MYO10: variants seen among roughly 807,000 people sequenced by gnomAD.
MYO10 encodes myosin X.
In MYO10, 133 loss-of-function variants were observed where a neutral mutation model predicts 257.3. That is an observed-to-expected ratio of 0.52 (90% CI 0.45 to 0.60). MYO10 has a LOEUF of 0.60. MYO10 is among the 20% of genes least tolerant of loss of function. The pLI is 0.00. For missense variants in MYO10, 2,399 were observed against 2,635.7 expected (o/e 0.91, Z 1.97); for synonymous variants, 1,104 against 1,028.6 (o/e 1.07, Z -1.40).
rs200752903 is a variant in MYO10 at position 16,764,277 on chromosome 5, G to A, written c.1299C>T (p.Leu433=). The stretch of plus-strand genomic sequence containing the variant: ...CAAAGTTTTCAAATCCAAAGATGTC[G>A]AGGATGCCAATAGACTTGAAGTCCT... ...GNEDFKSIGI[L]DIFGFENFEV... Residue 433 remains leucine, a synonymous_variant, in exon 12 of 41, where the codon CTC becomes CTT. Transcript: ENST00000513610. The A allele has an allele frequency of 1.7e-4, 276 of 1,613,842 alleles. 2 individuals are homozygous for A. The highest frequency in any genetic ancestry group is 9.9e-4 in the Middle Eastern group (6 of 6,084).
At position 16,666,553 on chromosome 5, in the gene MYO10, A is replaced by AGGATC; in HGVS notation, c.*138_*139insGATCC. On this transcript the variant is annotated 3_prime_UTR_variant, in exon 41 of 41. Transcript: ENST00000513610. ...GCGGCAGGCAAAAGGATCCTCGGAG[A>AGGATC]CACCTCCCTCAGACCAGAAGCTTCC... is the stretch of plus-strand genomic sequence containing the variant. 1 of 647,432 alleles carries AGGATC rather than the reference A, an allele frequency of 1.5e-6. No individual in the cohort carries two copies. 40.1% of individuals were successfully genotyped at this position (647,432 alleles called of 1,614,324 possible).
intron 11 of MYO10, 37 bp from the exon 12 acceptor site, chr5:16,764,433 C>CG: frequency 7.5e-6 from 12 of 1,609,384 alleles, no homozygotes; most frequent in Non-Finnish European, 1.0e-5. Flanking sequence ...CAGCTGACCC[C>CG]GGGCACCCCA....
chr5:16,752,890 T>C (rs928424755), intron 19 of MYO10, among the ~76,000 whole-genome samples: 4 of 152,184 alleles, frequency 2.6e-5, no homozygotes, highest in African/African-American at 9.7e-5. Context: ...TATGTTACCA[T>C]TTTTTTGGTG....
At chr5:16,755,908 T>C (rs924594147) in intron 18 of MYO10, among the ~76,000 whole-genome samples, 1 of 152,078 alleles carries the variant, frequency 6.6e-6, no homozygotes, top group Non-Finnish European at 1.5e-5. Flanking sequence ...CATTTCAGTA[T>C]GTAGGATTAA....
chr5:16,931,574 G>A (rs1055641109), intron 1 of MYO10, among the ~76,000 whole-genome samples: 2 of 152,050 alleles, frequency 1.3e-5, no homozygotes, highest in African/African-American at 2.4e-5. Context: ...TGCTCCTGCT[G>A]CAACAACTGT....
chr5:16,694,552 AC>A lies in MYO10; in HGVS notation c.3618del (p.Trp1206CysfsTer41). 2 of 1,613,934 alleles carry A rather than the reference AC, an allele frequency of 1.2e-6. No homozygotes were observed. The highest frequency in any genetic ancestry group is 1.7e-6 in the Non-Finnish European group (2 of 1,179,878). Reference protein sequence around the residue: ...WCVLKDETFLWFRSKQEALKQ... With the variant: ...WCVLKDETFLXFRSKQEALKQ... The stretch of plus-strand genomic sequence containing the variant: ...TTGAGGGCCTCCTGCTTGGAGCGGA[AC>A]CACAAGAAGGTTTCATCCTTGAGGA... On this transcript the variant is annotated frameshift_variant, in exon 27 of 41. Transcript: ENST00000513610. LOFTEE classifies it high-confidence loss of function.
At chr5:16,745,778 T>C (rs141855583) in intron 19 of MYO10, among the ~76,000 whole-genome samples, 157 of 152,284 alleles carry the variant, frequency 1.0e-3, no homozygotes, top group African/African-American at 3.8e-3. Flanking sequence ...TTTCTGAGGG[T>C]TCCTTAGGAA....
At position 16,682,028 on chromosome 5, in the gene MYO10, G is replaced by A. The variant is rs1308550963; in HGVS notation, c.4047-15C>T. On this transcript the variant is annotated splice_polypyrimidine_tract_variant and intron_variant, in intron 30 of 40. Coordinates refer to ENST00000513610, the MANE Select transcript of MYO10 (RefSeq NM_012334.3). ...ACGAGTTGGGTCTGAGCCACAAGAT[G>A]AGAAGGAAACAAAGCCCCTTAGCCC... 6.2e-7 allele frequency: 1 copy of A among 1,611,346 alleles called. No individual in the cohort carries two copies. Among genetic ancestry groups the A allele is most frequent in the Non-Finnish European group, 8.5e-7 (1 of 1,179,506 alleles).
chr5:16,717,993 C>T (rs563362035), intron 19 of MYO10, among the ~76,000 whole-genome samples: 7 of 152,312 alleles, frequency 4.6e-5, no homozygotes, highest in African/African-American at 1.4e-4. Flanking sequence ...GCAGCGCTTG[C>T]GGGCCAGCTG....
chr5:16,795,375 G>A lies in MYO10; in HGVS notation c.280-542C>T, dbSNP rs148986602. Among the ~76,000 whole-genome samples the A allele has an allele frequency of 7.7e-3, 1,169 of 152,216 alleles. 13 individuals carry two copies. Among genetic ancestry groups the A allele is most frequent in the African/African-American group, 0.026 (1,067 of 41,522 alleles). Reference sequence around the variant, plus strand: ...TCCCAGCACTTCCAGAGGCTGAGGCGGGCAGATCACCTGAGGTCAGGAGTT... The same window carrying A: ...TCCCAGCACTTCCAGAGGCTGAGGCAGGCAGATCACCTGAGGTCAGGAGTT... On this transcript the variant is annotated intron_variant, in intron 3 of 40. Transcript: ENST00000513610.
intron 9 of MYO10, among the ~76,000 whole-genome samples, chr5:16,776,717 G>A (rs1047016783): frequency 1.1e-4 from 16 of 152,200 alleles, no homozygotes; most frequent in Non-Finnish European, 2.2e-4. Context: ...CTGACAAAAA[G>A]AACAGACAGT....
chr5:16,702,941 G>A lies in MYO10; in HGVS notation c.2494C>T (p.Arg832Trp), dbSNP rs746827671. 9 of 1,551,234 alleles carry A rather than the reference G, an allele frequency of 5.8e-6. No individual in the cohort carries two copies. Among genetic ancestry groups the A allele is most frequent in the African/African-American group, 2.7e-5 (2 of 72,884 alleles). Residue 832 changes from arginine (R) to tryptophan (W), a missense_variant, in exon 23 of 41, where the codon CGG becomes TGG. Around this residue, in one of 3 missense-constraint regions of MYO10, gnomAD observed 1,820 missense variants for 1,939.4 expected, o/e 0.94. Transcript: ENST00000513610. ...GTACTGTACCTTTCTTCTTCCTCCC[G>A]TTTCTTCTTTTCTTCCTCTTCCTGT... Reference protein sequence around the residue: ...KKQEEEEKKKREEEERERERE... With the variant: ...KKQEEEEKKKWEEEERERERE...
At chr5:16,861,261 A>C (rs1744100692) in intron 2 of MYO10, among the ~76,000 whole-genome samples, 1 of 151,934 alleles carries the variant, frequency 6.6e-6, no homozygotes, top group Non-Finnish European at 1.5e-5. Context: ...GCAATAAAAA[A>C]AAAAAAAGTG....
intron 19 of MYO10, among the ~76,000 whole-genome samples, chr5:16,712,189 A>G (rs1454806529): frequency 6.6e-6 from 1 of 152,126 alleles, no homozygotes; most frequent in Non-Finnish European, 1.5e-5. Flanking sequence ...AAAGAGTTTG[A>G]CTTTGCTCAA....
rs568231727 is a variant in MYO10, at chr5:16,831,374, T to C, written c.121-13207A>G. ...TCCAGCAATCCCACTACTGGGTATC[T>C]ACCCAGAGGAAAAGAAGTCATTATA... On this transcript the variant is annotated intron_variant, in intron 2 of 40. Transcript: ENST00000513610. Among the ~76,000 whole-genome samples the C allele has an allele frequency of 3.8e-3, 576 of 152,288 alleles. 3 individuals carry two copies. Among genetic ancestry groups the C allele is most frequent in the African/African-American group, 0.013 (535 of 41,544 alleles).
intron 27 of MYO10, among the ~76,000 whole-genome samples, chr5:16,691,236 C>T (rs1737485909): frequency 6.7e-6 from 1 of 148,772 alleles, no homozygotes; most frequent in South Asian, 2.1e-4. Context: ...CGCCACTGCA[C>T]TCCAACCTGG....
chr5:16,710,671 T>G, intron 21 of MYO10: 8 of 552,950 alleles, frequency 1.4e-5, no homozygotes, highest in Non-Finnish European at 2.3e-5. Context: ...ACAATTAGGA[T>G]GAGATGTTTC....
At chr5:16,810,897 G>A (rs753759976) in intron 3 of MYO10, among the ~76,000 whole-genome samples, 121 of 152,082 alleles carry the variant, frequency 8.0e-4, no homozygotes, top group Admixed American at 1.4e-3. Context: ...GTGAAACCCT[G>A]TATCTACAAA....
chr5:16,682,240 G>A (rs540418876), intron 30 of MYO10, among the ~76,000 whole-genome samples: 151 of 152,280 alleles, frequency 9.9e-4, no homozygotes, highest in Non-Finnish European at 2.0e-3. Context: ...GAAGGTCCTG[G>A]AAGGGAAAAC....
Sources: gnomAD v4.1 joint callset for allele counts (sites outside exome capture counted in the v4.1 genomes callset) on GRCh38, gnomAD v4.1.1 for gene constraint, gnomAD v4.1.1 regional missense constraint, MANE v1.5 for transcripts, NCBI Gene and HGNC (gene_info 2026-07-23, HGNC 2026-07-21) for gene names.